COMMD9: variants seen among roughly 807,000 people sequenced by gnomAD.
COMMD9 encodes COMM domain-containing protein 9.
Under a neutral mutation model 23.4 loss-of-function variants are expected in COMMD9, and 22 were observed. That is an observed-to-expected ratio of 0.94 (90% CI 0.67 to 1.34). The LOEUF (loss-of-function observed/expected upper bound fraction) is 1.34. Ranked by LOEUF, COMMD9 falls within the 40% of genes most tolerant of loss-of-function variation. COMMD9 has a pLI of 0.00. For missense variants in COMMD9, 231 were observed against 240.2 expected (o/e 0.96, Z 0.25); for synonymous variants, 99 against 97.4 (o/e 1.02, Z -0.10).
At position 36,281,719 on chromosome 11, in the gene COMMD9, A is replaced by G. The variant is rs78652000; in HGVS notation, c.52-882T>C. Among the ~76,000 whole-genome samples the G allele has an allele frequency of 4.9e-3, 750 of 152,362 alleles. 12 individuals are homozygous for G. Among genetic ancestry groups the G allele is most frequent in the African/African-American group, 0.017 (711 of 41,584 alleles). The stretch of plus-strand genomic sequence containing the variant: ...TAAAATTTAAATAAAATCCATTCTC[A>G]GAACATAATATGAAAATGTCCAGGT... On this transcript the variant is annotated intron_variant, in intron 1 of 5. Coordinates refer to ENST00000263401, the MANE Select transcript of COMMD9 (RefSeq NM_014186.4).
At chr11:36,278,709 G>C in intron 2 of COMMD9, 93 bp from the exon 3 acceptor site, 1 of 1,210,270 alleles carries the variant, frequency 8.3e-7, no homozygotes, top group East Asian at 2.5e-5. Context: ...CACCCCGAAG[G>C]CTGCACACTG....
chr11:36,282,352 A>G (rs1421708110), intron 1 of COMMD9, among the ~76,000 whole-genome samples: 1 of 152,176 alleles, frequency 6.6e-6, no homozygotes, highest in Non-Finnish European at 1.5e-5. Context: ...ACCCAGACAT[A>G]TAATTGAACT....
rs1443145626 is a variant in COMMD9, at chr11:36,289,386, A to T, written c.27T>A (p.Phe9Leu). 16 of 1,551,940 alleles carry T rather than the reference A, an allele frequency of 1.0e-5. No individual in the cohort carries two copies. The highest frequency in any genetic ancestry group is 1.4e-5 in the Non-Finnish European group (16 of 1,147,190). ...CCTTGAGCAGGCTCTGGAGTGCTGC[A>T]AAATGCTCCGCTGTCAGGGCAGCCA... Reference protein sequence around the residue: MAALTAEHFAALQSLLKAS... With the variant: MAALTAEHLAALQSLLKAS... Residue 9 changes from phenylalanine to leucine, a missense_variant, in exon 1 of 6, where the codon TTT becomes TTA. Transcript: ENST00000263401.
At chr11:36,287,801 T>C (rs1250909439) in intron 1 of COMMD9, among the ~76,000 whole-genome samples, 3 of 152,004 alleles carry the variant, frequency 2.0e-5, no homozygotes, top group African/African-American at 7.3e-5. Context: ...GAGGTTACCA[T>C]TGGGGAAGAA....
At chr11:36,277,429 A>G (rs984726875) in intron 3 of COMMD9, among the ~76,000 whole-genome samples, 2 of 152,252 alleles carry the variant, frequency 1.3e-5, no homozygotes. Flanking sequence ...CAAAACAGAA[A>G]AAAAGGTCAA....
intron 1 of COMMD9, among the ~76,000 whole-genome samples, chr11:36,288,110 CATTT>C (rs1856202765): frequency 6.6e-6 from 1 of 152,064 alleles, no homozygotes; most frequent in Non-Finnish European, 1.5e-5. Context: ...TCTGTTACTT[CATTT>C]ATTAATTCAT....
rs1590392325 is a variant in COMMD9 at position 36,272,892 on chromosome 11, C to G, written c.*1740G>C. Reference sequence around the variant, plus strand: ...CAGCAGATGACTCAATCTCAATGAGCTGGTTTCCTGGTCAATAAAGGGAGG... The same window carrying G: ...CAGCAGATGACTCAATCTCAATGAGGTGGTTTCCTGGTCAATAAAGGGAGG... On this transcript the variant is annotated 3_prime_UTR_variant, in exon 6 of 6. Coordinates refer to ENST00000263401, the MANE Select transcript of COMMD9 (RefSeq NM_014186.4). The G allele has an allele frequency of 6.6e-6, 1 of 152,144 alleles. No individual in the cohort carries two copies. Among genetic ancestry groups the G allele is most frequent in the South Asian group, 2.1e-4 (1 of 4,818 alleles). 9.4% of individuals were successfully genotyped at this position (152,144 alleles called of 1,614,324 possible). A position where few individuals can be genotyped will look rare whatever the true frequency, so the allele number is the denominator to read the frequency against.
intron 3 of COMMD9, 192 bp downstream of exon 3, chr11:36,278,285 T>C (rs1856008420): frequency 1.8e-6 from 1 of 555,372 alleles, no homozygotes; most frequent in Non-Finnish European, 3.1e-6. Flanking sequence ...AAAAACATGT[T>C]TTAAAAGGCT....
intron 4 of COMMD9, chr11:36,276,653 G>A (rs1855977947): frequency 9.9e-6 from 2 of 201,102 alleles, no homozygotes; most frequent in South Asian, 2.5e-4. Flanking sequence ...TAACCTCTGA[G>A]CTTCTGTTTG....
Position 36,280,763 on chromosome 11 carries a change from G to A in COMMD9, c.126C>T (p.Leu42=), listed in dbSNP as rs141135642. 1.9e-6 allele frequency: 3 copies of A among 1,610,392 alleles called. No individual in the cohort carries two copies. Among genetic ancestry groups the A allele is most frequent in the Non-Finnish European group, 2.5e-6 (3 of 1,177,622 alleles). ...FSSSALGLKK[L]LDVTCSSLSV... ...ACAAGCTGGAACATGTAACATCCAA[G>A]AGTTTTTTCAAGCCAAGGGCTGAAC... Residue 42 remains leucine (L), a synonymous_variant, in exon 2 of 6, where the codon CTC becomes CTT. Coordinates refer to ENST00000263401, the MANE Select transcript of COMMD9 (RefSeq NM_014186.4).
intron 3 of COMMD9, among the ~76,000 whole-genome samples, 186 bp from the exon 4 acceptor site, chr11:36,277,309 T>C (rs1327186869): frequency 1.3e-5 from 2 of 152,216 alleles, no homozygotes; most frequent in Admixed American, 6.5e-5. Flanking sequence ...AGCTCAGTGA[T>C]GTTAAGGCCC....
intron 5 of COMMD9, among the ~76,000 whole-genome samples, chr11:36,275,446 C>CT (rs11458932): frequency 0.23 from 32,525 of 142,372 alleles, 4,008 homozygotes; most frequent in Middle Eastern, 0.32. Flanking sequence ...CTAGTAGAAA[C>CT]TTTTTTTTTT....
In COMMD9 at chr11:36,274,608, C is replaced by T. The variant is rs767586260; in HGVS notation, c.*24G>A. 6.2e-7 allele frequency: 1 copy of T among 1,613,902 alleles called. No individual in the cohort carries two copies. Among genetic ancestry groups the T allele is most frequent in the East Asian group, 2.2e-5 (1 of 44,892 alleles). ...TCACTCATGAGCAGCTGGGTCATGG[C>T]AGTGGCCCTGGCAGCTGGCTGGATC... On this transcript the variant is annotated 3_prime_UTR_variant, in exon 6 of 6. Coordinates refer to ENST00000263401, the MANE Select transcript of COMMD9 (RefSeq NM_014186.4).
In COMMD9 at chr11:36,281,005, G is replaced by C. The variant is rs554327227; in HGVS notation, c.52-168C>G. Among the ~76,000 whole-genome samples the C allele has an allele frequency of 9.5e-4, 144 of 152,286 alleles. 2 individuals are homozygous for C. The South Asian group carries it at 0.015, about 16-fold the overall frequency. On this transcript the variant is annotated intron_variant, in intron 1 of 5. Transcript: ENST00000263401. ...AATAGATGTACTTTTCCCTAATCTT[G>C]CTGCTAAGTACAACCAAAAACTTTG...
In COMMD9 at chr11:36,274,764, T is replaced by G; in HGVS notation, c.465A>C (p.Glu155Asp). The G allele has an allele frequency of 6.2e-7, 1 of 1,614,266 alleles. No individual in the cohort carries two copies. Among genetic ancestry groups the G allele is most frequent in the Non-Finnish European group, 8.5e-7 (1 of 1,180,040 alleles). ...PTCLLQMKIQEDPSLCGDKPS... is the reference protein window; with the variant it reads ...PTCLLQMKIQDDPSLCGDKPS... ...GTTTGTCTCCGCATAGGCTGGGATC[T>G]TCTTGGATCTGAAACGAGAACACAG... Residue 155 changes from glutamate to aspartate, a missense_variant, in exon 6 of 6, where the codon GAA becomes GAC. By Grantham distance (45) the Glu-to-Asp change is conservative. Coordinates refer to ENST00000263401, the MANE Select transcript of COMMD9 (RefSeq NM_014186.4).
At chr11:36,281,435 G>A (rs1856064347) in intron 1 of COMMD9, among the ~76,000 whole-genome samples, 1 of 152,170 alleles carries the variant, frequency 6.6e-6, no homozygotes, top group Non-Finnish European at 1.5e-5. Context: ...TTCCTGCTGG[G>A]GAGGTGTCAG....
At chr11:36,283,763 G>C (rs754173954) in intron 1 of COMMD9, among the ~76,000 whole-genome samples, 3 of 152,086 alleles carry the variant, frequency 2.0e-5, no homozygotes, top group Non-Finnish European at 4.4e-5. Context: ...CCAATTAAAA[G>C]ACAAAAATTG....
At chr11:36,277,173 T>A (rs772452526) in intron 3 of COMMD9, 50 bp from the exon 4 acceptor site, 2 of 1,384,460 alleles carry the variant, frequency 1.4e-6, no homozygotes, top group East Asian at 2.5e-5. Context: ...GGGATGAGAC[T>A]GACTCTTCTG....
At chr11:36,276,345 C>A in intron 4 of COMMD9, 105 bp from the exon 5 acceptor site, 1 of 743,554 alleles carries the variant, frequency 1.3e-6, no homozygotes, top group South Asian at 1.6e-5. Context: ...ATGCATTGGT[C>A]TATGCAGCAA....
Sources: allele counts gnomAD v4.1 joint callset (sites outside exome capture counted in the v4.1 genomes callset), GRCh38; gene constraint gnomAD v4.1.1; transcripts MANE v1.5; gene names NCBI Gene and HGNC (gene_info 2026-07-23, HGNC 2026-07-21).